Variants in CNTLN observed in about 807,000 individuals in gnomAD.
CNTLN encodes the protein centlein, centrosomal protein.
A neutral mutation model predicts 180.0 loss-of-function variants in CNTLN; 212 were observed. The observed-to-expected ratio is 1.18, with a 90% confidence interval of 1.05 to 1.32. CNTLN has a LOEUF of 1.32. Ranked by LOEUF, CNTLN falls within the 40% of genes most tolerant of loss-of-function variation. The pLI, the probability that CNTLN is intolerant of heterozygous loss-of-function variation, is 0.00. For missense variants in CNTLN, 2,095 were observed against 1,610.9 expected, an observed-to-expected ratio of 1.30 and a Z score of -5.14; for synonymous variants, 722 against 563.1, an observed-to-expected ratio of 1.28 and a Z score of -3.99.
intron 3 of CNTLN, among the ~76,000 whole-genome samples, chr9:17,235,257 A>T (rs535392068): frequency 1.3e-5 from 2 of 152,338 alleles, no homozygotes; most frequent in Non-Finnish European, 2.9e-5. Flanking sequence ...TTATGCTTTT[A>T]CAAAATCATA....
chr9:17,415,728 C>A, intron 16 of CNTLN, 60 bp from the exon 17 acceptor site: 1 of 1,008,412 alleles, frequency 9.9e-7, no homozygotes, highest in Non-Finnish European at 1.5e-6. Context: ...TTATTTATAT[C>A]AGTTCACTTG....
chr9:17,487,983 A>G (rs775912359), intron 25 of CNTLN, among the ~76,000 whole-genome samples: 20 of 152,140 alleles, frequency 1.3e-4, no homozygotes, highest in Middle Eastern at 3.2e-3. Context: ...GGACTGGAAT[A>G]AATAAAAGCC....
intron 8 of CNTLN, among the ~76,000 whole-genome samples, chr9:17,319,468 C>T (rs1819758963): frequency 6.6e-6 from 1 of 152,104 alleles, no homozygotes; most frequent in Admixed American, 6.5e-5. Context: ...TTTTTTCTAT[C>T]TGTAAATTTG....
At chr9:17,248,359 TC>T (rs1825928735) in intron 5 of CNTLN, among the ~76,000 whole-genome samples, 1 of 152,022 alleles carries the variant, frequency 6.6e-6, no homozygotes. Flanking sequence ...AAGCTACCTG[TC>T]CCTGAATTTT....
chr9:17,464,254 T>C (rs1831614729), intron 20 of CNTLN, among the ~76,000 whole-genome samples: 1 of 151,374 alleles, frequency 6.6e-6, no homozygotes, highest in Non-Finnish European at 1.5e-5. Flanking sequence ...ATTTCTTATA[T>C]ATTTTGTTTT....
chr9:17,370,315 GAAAC>G (rs1175674642), intron 13 of CNTLN, among the ~76,000 whole-genome samples: 1 of 152,138 alleles, frequency 6.6e-6, no homozygotes, highest in Non-Finnish European at 1.5e-5. Flanking sequence ...CAAGAGAAAA[GAAAC>G]AAATAACATA....
chr9:17,289,993 CCTT>C (rs1270371668), intron 6 of CNTLN, among the ~76,000 whole-genome samples: 1 of 152,060 alleles, frequency 6.6e-6, no homozygotes, highest in Non-Finnish European at 1.5e-5. Context: ...TCGTCTGAAG[CCTT>C]CTTCTCTCAG....
At chr9:17,477,885 C>T (rs1832437861) in intron 23 of CNTLN, among the ~76,000 whole-genome samples, 1 of 152,174 alleles carries the variant, frequency 6.6e-6, no homozygotes, top group African/African-American at 2.4e-5. Flanking sequence ...AGAAGTTGTG[C>T]TGTGGTAAAA....
chr9:17,466,838 A>T lies in CNTLN; in HGVS notation c.3802A>T (p.Lys1268Ter). ...QSEQVLEGAQ[K>*]TLLLANEKVE... ...TGAACAGGTCCTAGAAGGTGCACAG[A>T]AGACATTGCTGTTAGCCAATGAAAA... Residue 1268 changes from lysine to a stop codon, truncating the protein, a stop_gained, in exon 23 of 26, where the codon AAG becomes TAG. Coordinates refer to ENST00000380647, the MANE Select transcript of CNTLN (RefSeq NM_017738.4). LOFTEE classifies it high-confidence loss of function. 2 of 1,610,738 alleles carry T rather than the reference A, an allele frequency of 1.2e-6. No homozygotes were observed. The highest frequency in any genetic ancestry group is 1.7e-6 in the Non-Finnish European group (2 of 1,177,698).
intron 2 of CNTLN, among the ~76,000 whole-genome samples, chr9:17,178,888 C>T (rs1052211771): frequency 3.3e-5 from 5 of 152,242 alleles, no homozygotes; most frequent in East Asian, 1.9e-4. Flanking sequence ...GCGCCAAGGC[C>T]GAGGAGGCGC....
intron 15 of CNTLN, among the ~76,000 whole-genome samples, chr9:17,407,700 G>A (rs7038264): frequency 0.014 from 2,095 of 152,168 alleles, 47 homozygotes; most frequent in African/African-American, 0.048. Flanking sequence ...TGATGTATAC[G>A]CCAGAGAAGC....
intron 2 of CNTLN, among the ~76,000 whole-genome samples, chr9:17,180,187 A>G (rs953698555): frequency 4.1e-5 from 6 of 146,682 alleles, no homozygotes; most frequent in South Asian, 2.1e-4. Flanking sequence ...GTTAGCATTT[A>G]CGTGTGTCAT....
chr9:17,181,881 T>G (rs565176313), intron 2 of CNTLN, among the ~76,000 whole-genome samples: 1 of 152,320 alleles, frequency 6.6e-6, no homozygotes, highest in Admixed American at 6.5e-5. Flanking sequence ...GCTTCCACTG[T>G]CATCACGGGA....
At chr9:17,511,200 T>C in the CNTLN span, among the ~76,000 whole-genome samples, 1 of 152,214 alleles carries the variant, frequency 6.6e-6, no homozygotes. Flanking sequence ...AAGCATGGGA[T>C]GATAAGGACA....
At chr9:17,417,816 T>C (rs1828380307) in intron 18 of CNTLN, among the ~76,000 whole-genome samples, 1 of 152,004 alleles carries the variant, frequency 6.6e-6, no homozygotes, top group Non-Finnish European at 1.5e-5. Context: ...ATGTCCTTTC[T>C]TCTAATTTTT....
the CNTLN span, among the ~76,000 whole-genome samples, chr9:17,519,244 G>GTT: frequency 2.9e-3 from 422 of 143,520 alleles, 7 homozygotes; most frequent in African/African-American, 0.01. Context: ...AGATTTGAGT[G>GTT]TTTTTTTTTT....
chr9:17,185,771 T>TTGTGCGTGTGTGTGTGTG (rs1821393646), intron 2 of CNTLN, among the ~76,000 whole-genome samples: 1 of 143,636 alleles, frequency 7.0e-6, no homozygotes, highest in Non-Finnish European at 1.5e-5. Context: ...TGTTTCCCAT[T>TTGTGCGTGTGTGTGTGTG]TGTGTGTGTG....
In CNTLN at chr9:17,177,454, C is replaced by T. The variant is rs138629592; in HGVS notation, c.449+34078C>T. Among the ~76,000 whole-genome samples, 295 of 152,152 alleles carry T rather than the reference C, an allele frequency of 1.9e-3. 1 individual carries two copies. Among genetic ancestry groups the T allele is most frequent in the African/African-American group, 6.6e-3 (274 of 41,498 alleles). Reference sequence around the variant, plus strand: ...CAGTTTCTTGAAGTGGAAATGTGTCCGGAATTGGTGGGTTCTTCGTCTCAC... The same window carrying T: ...CAGTTTCTTGAAGTGGAAATGTGTCTGGAATTGGTGGGTTCTTCGTCTCAC... On this transcript the variant is annotated intron_variant, in intron 2 of 25. Coordinates refer to ENST00000380647, the MANE Select transcript of CNTLN (RefSeq NM_017738.4).
rs894862248 is a variant in CNTLN at position 17,491,775 on chromosome 9, G to A, written c.4119+4709G>A. Among the ~76,000 whole-genome samples the A allele has an allele frequency of 4.6e-5, 7 of 152,182 alleles. No homozygotes were observed. The South Asian group carries it at 1.4e-3, about 32-fold the overall frequency. On this transcript the variant is annotated intron_variant, in intron 25 of 25. Transcript: ENST00000380647. ...ATTAGTTGCTTCAGATCTTGCAAATGCTGAAATTTAAAATGGCTAACTTTC... is the reference window on the plus strand; with the variant it reads ...ATTAGTTGCTTCAGATCTTGCAAATACTGAAATTTAAAATGGCTAACTTTC...
Sources: gnomAD v4.1 joint callset for allele counts (sites outside exome capture counted in the v4.1 genomes callset) on GRCh38, gnomAD v4.1.1 for gene constraint, MANE v1.5 for transcripts, NCBI Gene and HGNC (gene_info 2026-07-23, HGNC 2026-07-21) for gene names.